Variants in SDCCAG8 observed in about 807,000 individuals in gnomAD.
SDCCAG8 encodes serologically defined colon cancer antigen 8.
SDCCAG8 carries 74 observed loss-of-function variants against 101.8 expected under a neutral mutation model. The observed-to-expected ratio is 0.73, with a 90% CI of 0.60 to 0.88. The LOEUF is 0.88. Ranked by LOEUF, SDCCAG8 falls within the 40% of genes least tolerant of loss-of-function variation. SDCCAG8 has a pLI of 0.00. For synonymous variants in SDCCAG8, 281 were observed against 292.9 expected (o/e 0.96, Z 0.41); for missense variants, 787 against 822.6 (o/e 0.96, Z 0.53).
At chr1:243,350,477 C>T (rs974143443) in intron 12 of SDCCAG8, among the ~76,000 whole-genome samples, 2 of 152,128 alleles carry the variant, frequency 1.3e-5, no homozygotes, top group Non-Finnish European at 2.9e-5. Flanking sequence ...CTCGGCCTCC[C>T]AAAGTGCTGG....
chr1:243,449,777 T>C (rs1317811956), intron 16 of SDCCAG8, among the ~76,000 whole-genome samples: 1 of 152,208 alleles, frequency 6.6e-6, no homozygotes, highest in African/African-American at 2.4e-5. Flanking sequence ...CATGGAGTCC[T>C]GGGCTCCTTT....
intron 12 of SDCCAG8, among the ~76,000 whole-genome samples, chr1:243,358,888 A>G (rs1319189570): frequency 6.6e-6 from 1 of 152,242 alleles, no homozygotes; most frequent in Non-Finnish European, 1.5e-5. Flanking sequence ...GATTCAATTT[A>G]TATGAAATGT....
chr1:243,399,797 A>G (rs2079259599), intron 13 of SDCCAG8, among the ~76,000 whole-genome samples: 1 of 152,170 alleles, frequency 6.6e-6, no homozygotes, highest in Non-Finnish European at 1.5e-5. Flanking sequence ...GGCATGAGCC[A>G]TGGCACTCAG....
intron 16 of SDCCAG8, among the ~76,000 whole-genome samples, chr1:243,439,915 C>G (rs914551417): frequency 2.0e-5 from 3 of 152,228 alleles, no homozygotes; most frequent in African/African-American, 4.8e-5. Context: ...GTCAAATTCT[C>G]TCTCTACTAG....
intron 12 of SDCCAG8, among the ~76,000 whole-genome samples, chr1:243,356,950 T>C (rs1419676901): frequency 2.0e-5 from 3 of 152,064 alleles, no homozygotes; most frequent in Non-Finnish European, 4.4e-5. Flanking sequence ...ATAAATTGTG[T>C]TCATGCACTG....
chr1:243,450,549 T>C (rs1004664030), intron 16 of SDCCAG8, among the ~76,000 whole-genome samples: 7 of 152,240 alleles, frequency 4.6e-5, no homozygotes, highest in Admixed American at 2.6e-4. Context: ...TGGGAAAGCA[T>C]GTATTCTAGC....
chr1:243,292,359 T>TAG (rs2070356866), intron 5 of SDCCAG8, among the ~76,000 whole-genome samples: 1 of 152,202 alleles, frequency 6.6e-6, no homozygotes, highest in Non-Finnish European at 1.5e-5. Context: ...ATGGAGATCC[T>TAG]AAGGGTCTTA....
At chr1:243,384,358 C>A (rs1436961285) in intron 13 of SDCCAG8, among the ~76,000 whole-genome samples, 1 of 152,112 alleles carries the variant, frequency 6.6e-6, no homozygotes, top group Non-Finnish European at 1.5e-5. Context: ...TCACAAATAT[C>A]AGAGTACAAA....
At chr1:243,408,964 T>G (rs1037374471) in intron 13 of SDCCAG8, among the ~76,000 whole-genome samples, 1 of 152,190 alleles carries the variant, frequency 6.6e-6, no homozygotes, top group Non-Finnish European at 1.5e-5. Flanking sequence ...AAGTTATTAG[T>G]CTATAGTCAC....
At chr1:243,407,019 ATAT>A (rs1353126189) in intron 13 of SDCCAG8, among the ~76,000 whole-genome samples, 1 of 151,846 alleles carries the variant, frequency 6.6e-6, no homozygotes, top group Non-Finnish European at 1.5e-5. Context: ...CCCTACTTTA[ATAT>A]TTACTGTACC....
At chr1:243,409,884 A>G (rs1183835380) in intron 13 of SDCCAG8, among the ~76,000 whole-genome samples, 1 of 152,212 alleles carries the variant, frequency 6.6e-6, no homozygotes, top group Non-Finnish European at 1.5e-5. Flanking sequence ...TCATTTTTGG[A>G]TGTAAAACTA....
chr1:243,402,198 TG>T (rs2079444589), intron 13 of SDCCAG8, among the ~76,000 whole-genome samples: 1 of 152,030 alleles, frequency 6.6e-6, no homozygotes, highest in Non-Finnish European at 1.5e-5. Flanking sequence ...GAGGCCGAGG[TG>T]GGCAGATCAT....
At chr1:243,378,902 C>T (rs778137955) in intron 13 of SDCCAG8, 39 bp downstream of exon 13, 2 of 1,613,490 alleles carry the variant, frequency 1.2e-6, no homozygotes, top group South Asian at 1.1e-5. Context: ...GCACCGATTT[C>T]ATTCCACTGA....
At chr1:243,449,311 G>T (rs970117505) in intron 16 of SDCCAG8, among the ~76,000 whole-genome samples, 1 of 152,178 alleles carries the variant, frequency 6.6e-6, no homozygotes, top group African/African-American at 2.4e-5. Flanking sequence ...TAACCATTTG[G>T]AATGAATTAT....
chr1:243,426,514 A>T lies in SDCCAG8; in HGVS notation c.1941A>T (p.Glu647Asp). 3 of 1,613,982 alleles carry T rather than the reference A, an allele frequency of 1.9e-6. No homozygotes were observed. The highest frequency in any genetic ancestry group is 2.5e-6 in the Non-Finnish European group (3 of 1,179,906). ...AGAGAAGAAATGAAGAATTGGAGGA[A>T]CAGTGTGTCCAGCATGGGAGAGTAC... ...KLQRRNEELE[E>D]QCVQHGRVHE... Residue 647 changes from glutamate to aspartate, a missense_variant, in exon 16 of 18, where the codon GAA becomes GAT. Glu to Asp is a conservative substitution (Grantham distance 45). Transcript: ENST00000366541.
intron 12 of SDCCAG8, among the ~76,000 whole-genome samples, chr1:243,366,890 A>G (rs1191921078): frequency 1.3e-5 from 2 of 152,118 alleles, no homozygotes; most frequent in African/African-American, 4.8e-5. Context: ...TGGATCATAT[A>G]TATATGTATA....
chr1:243,388,189 A>G (rs942388797), intron 13 of SDCCAG8, among the ~76,000 whole-genome samples: 1 of 152,204 alleles, frequency 6.6e-6, no homozygotes, highest in African/African-American at 2.4e-5. Flanking sequence ...CCAGCATGCT[A>G]TCATATTCTA....
At chr1:243,256,346 C>G in intron 1 of SDCCAG8, 106 bp downstream of exon 1, 1 of 867,996 alleles carries the variant, frequency 1.2e-6, no homozygotes. Flanking sequence ...CCCGTCCACG[C>G]TACAGAGGAG....
In SDCCAG8 at chr1:243,314,442, A is replaced by G. The variant is rs148483434; in HGVS notation, c.930-2313A>G. 1.4e-4 allele frequency among the ~76,000 whole-genome samples: 21 copies of G among 152,354 alleles called. No homozygotes were observed. In the East Asian group the frequency reaches 4.0e-3, roughly 29 times the overall value. The stretch of plus-strand genomic sequence containing the variant: ...CTAATTCAAAATAGGTAATGTTTTC[A>G]GTTTAGATCATGAAATATTAGAACT... On this transcript the variant is annotated intron_variant, in intron 8 of 17. Transcript: ENST00000366541.
Sources: allele counts gnomAD v4.1 joint callset (sites outside exome capture counted in the v4.1 genomes callset), GRCh38; gene constraint gnomAD v4.1.1; transcripts MANE v1.5; gene names NCBI Gene and HGNC (gene_info 2026-07-23, HGNC 2026-07-21).